AKAP13: variants seen among roughly 807,000 people sequenced by gnomAD.
AKAP13 encodes the protein A-kinase anchoring protein 13.
AKAP13 carries 80 observed loss-of-function variants against 264.5 expected under a neutral mutation model. The ratio of observed to expected loss-of-function variants is 0.30; its 90% confidence interval spans 0.25 to 0.36. AKAP13 has a LOEUF of 0.36. AKAP13 is among the 10% of genes least tolerant of loss of function. AKAP13 has a pLI of 1.00. For synonymous variants in AKAP13, 1,380 were observed against 1,250.2 expected (o/e 1.10, Z -2.19); for missense variants, 3,712 against 3,435.2 (o/e 1.08, Z -2.01).
Position 85,585,807 on chromosome 15 carries a change from G to A in AKAP13, c.4145G>A (p.Gly1382Asp). The A allele has an allele frequency of 6.2e-7, 1 of 1,614,064 alleles. No individual in the cohort carries two copies. Among genetic ancestry groups the A allele is most frequent in the South Asian group, 1.1e-5 (1 of 91,086 alleles). ...GCTGCTACACTGAAGATGAAGCAAG[G>A]CCCAATGACCCAGGCGGTAAGTGGC... ...SIAATLKMKQ[G>D]PMTQAINREN... is the part of the protein sequence containing the mutation. Residue 1382 changes from glycine (G) to aspartate (D), a missense_variant, in exon 8 of 37, where the codon GGC (glycine) becomes GAC (aspartate). Gly to Asp is a moderately conservative substitution (Grantham distance 94). Around this residue, in one of 3 missense-constraint regions of AKAP13, gnomAD observed 2,759 missense variants for 2,411.7 expected, o/e 1.14. Coordinates refer to ENST00000394518, the MANE Select transcript of AKAP13 (RefSeq NM_007200.5).
At chr15:85,489,358 T>G (rs1454703192) in intron 2 of AKAP13, among the ~76,000 whole-genome samples, 3 of 152,244 alleles carry the variant, frequency 2.0e-5, no homozygotes, top group Non-Finnish European at 2.9e-5. Context: ...AACTTCAGGA[T>G]TCAAGTATGT....
At position 85,718,761 on chromosome 15, in the gene AKAP13, G is replaced by A. The variant is rs935005718; in HGVS notation, c.6002-315G>A. ...TAAAAAATACAAAAATCAGCCAGGC[G>A]TGATGGCATGTACCTGCAGCCCCAG... On this transcript the variant is annotated intron_variant, in intron 22 of 36. Coordinates refer to ENST00000394518, the MANE Select transcript of AKAP13 (RefSeq NM_007200.5). The surrounding 1 kb of genome is among the most constrained non-coding windows in gnomAD (Gnocchi z 4.9). The A allele has an allele frequency of 5.8e-5, 18 of 310,296 alleles. No individual in the cohort carries two copies. The highest frequency in any genetic ancestry group is 2.5e-4 in the South Asian group (8 of 31,566). 19.2% of individuals were successfully genotyped at this position (310,296 alleles called of 1,614,324 possible).
chr15:85,722,166 C>T, intron 24 of AKAP13, 50 bp downstream of exon 24: 1 of 1,611,138 alleles, frequency 6.2e-7, no homozygotes. Flanking sequence ...AGCCATGTGT[C>T]CCTGTCGGCT....
chr15:85,388,130 G>A (rs969271695), intron 1 of AKAP13, among the ~76,000 whole-genome samples: 15 of 151,706 alleles, frequency 9.9e-5, no homozygotes, highest in African/African-American at 3.4e-4. Context: ...TGGCCCCCCA[G>A]GTTCAAGTGA....
intron 1 of AKAP13, among the ~76,000 whole-genome samples, chr15:85,451,248 T>C (rs1210565991): frequency 6.6e-6 from 1 of 152,236 alleles, no homozygotes; most frequent in African/African-American, 2.4e-5. Flanking sequence ...CATCCCTTTA[T>C]TTTGAGCCTA....
chr15:85,579,508 G>A lies in AKAP13; in HGVS notation c.1440G>A (p.Gly480=). Residue 480 remains glycine, a synonymous_variant, in exon 7 of 37, where the codon GGG becomes GGA. Coordinates refer to ENST00000394518, the MANE Select transcript of AKAP13 (RefSeq NM_007200.5). ...ATGTCAGTACCCCAGACACTGCAGG[G>A]GAAATGGAACATGGGCTCATGAACC... ...TTNVSTPDTA[G]EMEHGLMNPD... 3 of 1,614,184 alleles carry A rather than the reference G, an allele frequency of 1.9e-6. No homozygotes were observed. The highest frequency in any genetic ancestry group is 2.5e-6 in the Non-Finnish European group (3 of 1,180,034).
chr15:85,565,677 A>C (rs2078580751), intron 5 of AKAP13, among the ~76,000 whole-genome samples: 1 of 152,224 alleles, frequency 6.6e-6, no homozygotes, highest in Admixed American at 6.5e-5. Context: ...TACATAAAGA[A>C]ATTCTGTGCT....
At chr15:85,609,949 C>T (rs2080527057) in intron 8 of AKAP13, among the ~76,000 whole-genome samples, 1 of 152,200 alleles carries the variant, frequency 6.6e-6, no homozygotes, top group African/African-American at 2.4e-5. Flanking sequence ...GTACTACCTA[C>T]CCAAGCTGTC....
intron 1 of AKAP13, among the ~76,000 whole-genome samples, chr15:85,473,217 A>G (rs1262942961): frequency 6.6e-6 from 1 of 152,130 alleles, no homozygotes; most frequent in Non-Finnish European, 1.5e-5. Flanking sequence ...AAGTAAAGCT[A>G]CTGCTTTGCA....
chr15:85,632,171 C>T (rs1331010759), intron 8 of AKAP13, among the ~76,000 whole-genome samples: 1 of 152,152 alleles, frequency 6.6e-6, no homozygotes, highest in Non-Finnish European at 1.5e-5. Context: ...GAAGTCATGG[C>T]ATTCTAGGGT....
At chr15:85,484,569 G>T (rs931558887) in intron 1 of AKAP13, among the ~76,000 whole-genome samples, 1 of 152,230 alleles carries the variant, frequency 6.6e-6, no homozygotes, top group Non-Finnish European at 1.5e-5. Context: ...TGCAACTGGT[G>T]TGGAGATGAT....
intron 1 of AKAP13, among the ~76,000 whole-genome samples, chr15:85,426,945 G>GTTTTT (rs1251042851): frequency 8.6e-5 from 10 of 115,678 alleles, no homozygotes; most frequent in East Asian, 2.2e-4. Context: ...CCTTAGTATT[G>GTTTTT]TTTTGTTTTG....
intron 1 of AKAP13, among the ~76,000 whole-genome samples, chr15:85,443,914 A>G (rs566122859): frequency 9.2e-5 from 14 of 152,314 alleles, no homozygotes; most frequent in African/African-American, 3.4e-4. Context: ...ATCAAATGGC[A>G]TAGCTTATTC....
Position 85,664,583 on chromosome 15 carries a change from C to G in AKAP13, c.4820C>G (p.Thr1607Arg). ...HRRSFSLEGL[T>R]GGAGVGNKPS... The stretch of plus-strand genomic sequence containing the variant: ...TTCAGTTTCAGTCTAGAAGGCTTGA[C>G]AGGAGGAGCTGGTGTCGGAAACAAG... The change falls in exon 13 of 37, where the codon ACA becomes AGA. Residue 1607 changes from threonine to arginine, a missense_variant. By Grantham distance (71) the Thr-to-Arg change is moderately conservative (BLOSUM62 -1). This residue lies in a region of AKAP13 where 2,759 missense variants were observed against 2,411.7 expected (regional missense o/e 1.14). Transcript: ENST00000394518. 1 of 1,612,580 alleles carries G rather than the reference C, an allele frequency of 6.2e-7. No homozygotes were observed. Among genetic ancestry groups the G allele is most frequent in the Non-Finnish European group, 8.5e-7 (1 of 1,179,168 alleles).
intron 1 of AKAP13, among the ~76,000 whole-genome samples, chr15:85,405,232 T>C (rs911052545): frequency 1.3e-5 from 2 of 152,232 alleles, no homozygotes; most frequent in Non-Finnish European, 2.9e-5. Context: ...TCTGAACTTA[T>C]ACTCTGGTTT....
intron 1 of AKAP13, among the ~76,000 whole-genome samples, chr15:85,387,566 C>T (rs1305791862): frequency 6.6e-6 from 1 of 152,102 alleles, no homozygotes; most frequent in African/African-American, 2.4e-5. Flanking sequence ...ATGAAGTGAT[C>T]CTCCCACTGT....
At position 85,614,882 on chromosome 15, in the gene AKAP13, A is replaced by G. The variant is rs369703383; in HGVS notation, c.4162-24492A>G. 2.0e-5 allele frequency among the ~76,000 whole-genome samples: 3 copies of G among 152,222 alleles called. No individual in the cohort carries two copies. The East Asian group carries it at 5.8e-4, about 29-fold the overall frequency. ...TTGTACCTGTGGAAGCACCTGGCAA[A>G]CAGGAGGTATTCAGTAAATGTTGTG... On this transcript the variant is annotated intron_variant, in intron 8 of 36. Transcript: ENST00000394518.
chr15:85,685,074 T>C, intron 16 of AKAP13: 1 of 598,176 alleles, frequency 1.7e-6, no homozygotes, highest in East Asian at 3.1e-5. Flanking sequence ...GAGTTTTCAC[T>C]ATATGCTAAG....
chr15:85,538,490 C>CT (rs1056287024), intron 4 of AKAP13, among the ~76,000 whole-genome samples: 1,662 of 139,038 alleles, frequency 0.012, 11 homozygotes, highest in African/African-American at 0.021. Flanking sequence ...GCTTTTCTTT[C>CT]TTTTTTTTTT....
Sources: allele counts gnomAD v4.1 joint callset (sites outside exome capture counted in the v4.1 genomes callset), GRCh38; gene constraint gnomAD v4.1.1; regional missense constraint gnomAD v4.1.1; non-coding constraint Gnocchi (gnomAD v3.1); transcripts MANE v1.5; gene names NCBI Gene and HGNC (gene_info 2026-07-23, HGNC 2026-07-21).